Variants in PLAUR observed in about 807,000 individuals in gnomAD.
PLAUR encodes the protein plasminogen activator, urokinase receptor.
Under a neutral mutation model 33.4 loss-of-function variants are expected in PLAUR, and 22 were observed. That is an observed-to-expected ratio of 0.66 (90% confidence interval 0.47 to 0.94). The LOEUF (loss-of-function observed/expected upper bound fraction) is 0.94. PLAUR is among the 40% of genes least tolerant of loss of function. The pLI is 0.00. For missense variants in PLAUR, 408 were observed against 434.7 expected, an observed-to-expected ratio of 0.94 and a Z score of 0.55; for synonymous variants, 148 against 167.3, an observed-to-expected ratio of 0.88 and a Z score of 0.89.
intron 1 of PLAUR, chr19:43,667,892 C>A (rs1967330826): frequency 2.1e-6 from 3 of 1,411,198 alleles, no homozygotes; most frequent in African/African-American, 2.9e-5. Flanking sequence ...ACTAACTGAA[C>A]GTTCTATCCC....
chr19:43,659,724 G>T (rs1053864561), intron 3 of PLAUR, among the ~76,000 whole-genome samples: 2 of 152,154 alleles, frequency 1.3e-5, no homozygotes, highest in Non-Finnish European at 2.9e-5. Flanking sequence ...AGTCCCCGGG[G>T]CAGAAACCTG....
At chr19:43,653,188 T>C (rs965391452) in intron 5 of PLAUR, among the ~76,000 whole-genome samples, 1 of 152,184 alleles carries the variant, frequency 6.6e-6, no homozygotes, top group Non-Finnish European at 1.5e-5. Flanking sequence ...TTTAAATAAA[T>C]TAATATTAAA....
chr19:43,668,395 C>G, intron 1 of PLAUR: 1 of 764,062 alleles, frequency 1.3e-6, no homozygotes, highest in Non-Finnish European at 1.6e-6. Flanking sequence ...ACCTTATCTT[C>G]CCGCCCCCTA....
At chr19:43,657,085 AG>A (rs1974246437) in intron 3 of PLAUR, among the ~76,000 whole-genome samples, 4 of 151,996 alleles carry the variant, frequency 2.6e-5, no homozygotes, top group Admixed American at 2.6e-4. Flanking sequence ...CTGGGACTAC[AG>A]GCGTGCACCA....
intron 3 of PLAUR, chr19:43,661,114 A>AT (rs1319149145): frequency 6.6e-6 from 1 of 152,152 alleles, no homozygotes; most frequent in Non-Finnish European, 1.5e-5. Context: ...GAGCTTGCCA[A>AT]TGACTTGAGG....
chr19:43,655,945 G>T (rs1974190188), intron 4 of PLAUR, among the ~76,000 whole-genome samples: 1 of 152,064 alleles, frequency 6.6e-6, no homozygotes, highest in Non-Finnish European at 1.5e-5. Flanking sequence ...TTTTGAGAAT[G>T]GAAGTAATGT....
chr19:43,655,064 T>G (rs1344915798), intron 5 of PLAUR, among the ~76,000 whole-genome samples: 1 of 151,568 alleles, frequency 6.6e-6, no homozygotes, highest in Non-Finnish European at 1.5e-5. Context: ...TCACTTGAGG[T>G]CAGGAGTTCG....
At chr19:43,646,388 C>T (rs1973825711), downstream of PLAUR, 2 of 704,556 alleles carry the variant, frequency 2.8e-6, no homozygotes, top group East Asian at 2.7e-5. Flanking sequence ...AAGGTGGCTT[C>T]TTCACCCACT....
chr19:43,669,776 C>T (rs929547230), intron 1 of PLAUR, among the ~76,000 whole-genome samples: 11 of 137,248 alleles, frequency 8.0e-5, no homozygotes, highest in Non-Finnish European at 1.4e-4. Flanking sequence ...CGCGCCACTG[C>T]ACTCCAGCCT....
At chr19:43,656,733 A>AT (rs1692466224) in intron 3 of PLAUR, 93 bp from the exon 4 acceptor site, 1 of 1,030,636 alleles carries the variant, frequency 9.7e-7, no homozygotes. Flanking sequence ...ATTCCTCCTT[A>AT]TCCCACCCTG....
chr19:43,666,246 T>A (rs766031073), intron 2 of PLAUR, among the ~76,000 whole-genome samples: 1 of 152,160 alleles, frequency 6.6e-6, no homozygotes. Context: ...TGTTGTTTCA[T>A]GTGTTCTTAA....
chr19:43,650,008 C>CTTTTTTTTTTT (rs200384971), intron 6 of PLAUR, among the ~76,000 whole-genome samples: 1 of 137,308 alleles, frequency 7.3e-6, no homozygotes. Flanking sequence ...TCTCATTACG[C>CTTTTTTTTTTT]TTTTTTTTTG....
intron 2 of PLAUR, among the ~76,000 whole-genome samples, chr19:43,666,109 G>A (rs1213913035): frequency 1.3e-5 from 2 of 151,434 alleles, no homozygotes. Context: ...CAGGGTCTCT[G>A]TTGTCCCAGC....
chr19:43,653,648 G>A (rs1457195777), intron 5 of PLAUR, among the ~76,000 whole-genome samples: 1 of 151,486 alleles, frequency 6.6e-6, no homozygotes, highest in Non-Finnish European at 1.5e-5. Context: ...GACAGAGCGA[G>A]ACTCCATCTA....
chr19:43,665,209 T>A lies in PLAUR; in HGVS notation c.310+107A>T, dbSNP rs574468856. On this transcript the variant is annotated intron_variant, in intron 3 of 6. Transcript: ENST00000340093. ...TTGGGGTTGGGACTTGGATAAGGCA[T>A]GGAGTTGGGGTTCAGCTGATGTAAA... 2.6e-6 allele frequency: 3 copies of A among 1,161,426 alleles called. No homozygotes were observed. In the East Asian group the frequency reaches 7.2e-5, roughly 28 times the overall value. The allele number at this position is 1,161,426 out of a possible 1,614,324, so 71.9% of individuals were successfully genotyped here.
At chr19:43,667,348 T>C in intron 2 of PLAUR, 4 of 573,890 alleles carry the variant, frequency 7.0e-6, no homozygotes, top group Middle Eastern at 9.3e-4. Flanking sequence ...TCGCTCTAAG[T>C]GGTTGATGTG....
chr19:43,647,624 T>C (rs939260109), downstream of PLAUR, among the ~76,000 whole-genome samples: 2 of 152,070 alleles, frequency 1.3e-5, no homozygotes, highest in African/African-American at 4.8e-5. Flanking sequence ...CTGAACAACA[T>C]GGAGAAACCC....
chr19:43,647,938 C>CATT (rs1555778381), downstream of PLAUR, among the ~76,000 whole-genome samples: 106 of 133,206 alleles, frequency 8.0e-4, 1 homozygote, highest in African/African-American at 2.4e-3. Flanking sequence ...TTAGAGAGCC[C>CATT]TTTTTTTTTT....
chr19:43,663,258 A>AATAATCAG (rs1165439916), intron 3 of PLAUR, among the ~76,000 whole-genome samples: 1 of 151,298 alleles, frequency 6.6e-6, no homozygotes, highest in Non-Finnish European at 1.5e-5. Context: ...GCATTAACCT[A>AATAATCAG]ATAATCAGTC....
Sources: gnomAD v4.1 joint callset for allele counts (sites outside exome capture counted in the v4.1 genomes callset) on GRCh38, gnomAD v4.1.1 for gene constraint, MANE v1.5 for transcripts, NCBI Gene and HGNC (gene_info 2026-07-23, HGNC 2026-07-21) for gene names.